The following SNU13 variants were observed in gnomAD, a reference collection of about 807,000 sequenced individuals.
The protein encoded by SNU13 is small nuclear ribonucleoprotein 13.
A neutral mutation model predicts 12.4 loss-of-function variants in SNU13; 2 were observed. The observed-to-expected ratio is 0.16, with a 90% CI of 0.07 to 0.51. SNU13 has a LOEUF of 0.51. Ranked by LOEUF, SNU13 falls within the 20% of genes least tolerant of loss-of-function variation. SNU13 has a pLI of 0.96. For missense variants in SNU13, 66 were observed against 157.8 expected, an observed-to-expected ratio of 0.42 and a Z score of 3.12; for synonymous variants, 68 against 66.5, an observed-to-expected ratio of 1.02 and a Z score of -0.11.
intron 1 of SNU13, among the ~76,000 whole-genome samples, chr22:41,686,758 C>G (rs959402434): frequency 6.6e-6 from 1 of 151,532 alleles, no homozygotes; most frequent in Non-Finnish European, 1.5e-5. Context: ...TCCTAAGTAG[C>G]TGGGATTACA....
At chr22:41,685,059 G>A (rs5758414) in intron 1 of SNU13, among the ~76,000 whole-genome samples, 96,263 of 151,070 alleles carry the variant, frequency 0.64, 33,763 homozygotes, top group East Asian at 0.92. Context: ...GGAGGTTGAG[G>A]CAGGAGAATG....
At chr22:41,681,505 T>C (rs1399164945) in intron 1 of SNU13, 1 of 152,216 alleles carries the variant, frequency 6.6e-6, no homozygotes, top group African/African-American at 2.4e-5. Context: ...CTAAATGCTG[T>C]ATTAGGCGGT....
At chr22:41,676,559 T>G (rs1242137249) in intron 2 of SNU13, among the ~76,000 whole-genome samples, 2 of 151,990 alleles carry the variant, frequency 1.3e-5, no homozygotes, top group African/African-American at 4.8e-5. Flanking sequence ...AAAGAAAATA[T>G]TTTATTCAAG....
chr22:41,684,377 G>GT (rs1012093664), intron 1 of SNU13, among the ~76,000 whole-genome samples: 4 of 152,132 alleles, frequency 2.6e-5, no homozygotes, highest in Non-Finnish European at 5.9e-5. Context: ...TTGTGCTAGT[G>GT]TTTTTTTCTA....
upstream of SNU13, chr22:41,689,030 A>G: frequency 7.9e-7 from 1 of 1,270,004 alleles, no homozygotes; most frequent in Non-Finnish European, 1.0e-6. Context: ...GCTGCCTAGT[A>G]CAAATTATTG....
chr22:41,682,070 C>A (rs754229271), intron 1 of SNU13, among the ~76,000 whole-genome samples: 1 of 152,042 alleles, frequency 6.6e-6, no homozygotes, highest in Non-Finnish European at 1.5e-5. Context: ...CCCCACATGT[C>A]GCCATCGTGT....
At chr22:41,687,738 G>C (rs558294038) in intron 1 of SNU13, 5 of 152,196 alleles carry the variant, frequency 3.3e-5, no homozygotes, top group Non-Finnish European at 4.4e-5. Context: ...CCAAGCATCA[G>C]GACTAGATGT....
At position 41,687,458 on chromosome 22, in the gene SNU13, T is replaced by C. The variant is rs139314556; in HGVS notation, c.3+1336A>G. ...AGACTTCAGGAATCTGAACAATCATTAAATACCTAAATGTTTCACTATTAG... is the reference window on the plus strand; with the variant it reads ...AGACTTCAGGAATCTGAACAATCATCAAATACCTAAATGTTTCACTATTAG... On this transcript the variant is annotated intron_variant, in intron 1 of 2. Transcript: ENST00000401959. Among the ~76,000 whole-genome samples, 80 of 152,328 alleles carry C rather than the reference T, an allele frequency of 5.3e-4. 3 individuals are homozygous for C. In the East Asian group the frequency reaches 0.014, roughly 28 times the overall value.
chr22:41,675,638 TCTCAAA>T (rs2068205504), intron 2 of SNU13, among the ~76,000 whole-genome samples: 1 of 151,764 alleles, frequency 6.6e-6, no homozygotes, highest in African/African-American at 2.4e-5. Context: ...TCCAGGCTGG[TCTCAAA>T]CTCCTGACCT....
intron 1 of SNU13, among the ~76,000 whole-genome samples, chr22:41,685,219 A>G (rs1218413831): frequency 6.6e-6 from 1 of 151,446 alleles, no homozygotes; most frequent in Non-Finnish European, 1.5e-5. Context: ...TCTATCACTG[A>G]GACCAGAGTG....
At chr22:41,678,447 T>C (rs754102120) in intron 2 of SNU13, among the ~76,000 whole-genome samples, 1 of 152,178 alleles carries the variant, frequency 6.6e-6, no homozygotes, top group African/African-American at 2.4e-5. Context: ...TACCTGACAC[T>C]GAGGCAGAAG....
At chr22:41,684,972 T>C (rs759076709) in intron 1 of SNU13, among the ~76,000 whole-genome samples, 14 of 152,038 alleles carry the variant, frequency 9.2e-5, no homozygotes, top group Non-Finnish European at 1.3e-4. Flanking sequence ...CTGGATGACA[T>C]GGTGAAACCC....
At chr22:41,677,951 T>A (rs2068228036) in intron 2 of SNU13, among the ~76,000 whole-genome samples, 1 of 151,462 alleles carries the variant, frequency 6.6e-6, no homozygotes, top group Admixed American at 6.6e-5. Context: ...CTATCCCCCT[T>A]CTCTACTTTA....
At chr22:41,689,009 C>A (rs564689020), upstream of SNU13, 3 of 1,316,512 alleles carry the variant, frequency 2.3e-6, no homozygotes, top group African/African-American at 4.4e-5. Context: ...CGTACTTTGG[C>A]GTTCTTATGA....
chr22:41,680,200 A>C, intron 2 of SNU13, 44 bp downstream of exon 2: 2 of 1,576,988 alleles, frequency 1.3e-6, no homozygotes, highest in East Asian at 2.3e-5. Flanking sequence ...AGATGGAAAC[A>C]GGTGCCTTTA....
At chr22:41,689,366 CAAA>C (rs11387808), upstream of SNU13, 19 of 108,646 alleles carry the variant, frequency 1.7e-4, no homozygotes, top group East Asian at 2.6e-4. Flanking sequence ...GCGAGACTCT[CAAA>C]AAAAAAAAAA....
chr22:41,674,436 A>T lies in SNU13; in HGVS notation c.*497T>A, dbSNP rs2068192593. 1 of 160,692 alleles carries T rather than the reference A, an allele frequency of 6.2e-6. No individual in the cohort carries two copies. The highest frequency in any genetic ancestry group is 5.9e-5 in the Admixed American group (1 of 16,862). 10.0% of individuals were successfully genotyped at this position (160,692 alleles called of 1,614,324 possible). A position where few individuals can be genotyped will look rare whatever the true frequency, so the allele number is the denominator to read the frequency against. On this transcript the variant is annotated 3_prime_UTR_variant, in exon 3 of 3. Coordinates refer to ENST00000401959, the MANE Select transcript of SNU13 (RefSeq NM_001003796.2). ...GGACATAGCCGAACAACCTCACAGAACACATGCTTCCTCCCCAAATGATAC... is the reference window on the plus strand; with the variant it reads ...GGACATAGCCGAACAACCTCACAGATCACATGCTTCCTCCCCAAATGATAC...
intron 1 of SNU13, among the ~76,000 whole-genome samples, chr22:41,680,739 C>T (rs912308374): frequency 7.2e-5 from 11 of 152,238 alleles, no homozygotes; most frequent in African/African-American, 2.2e-4. Context: ...CTGTTGCCCA[C>T]GCTGGAGTGC....
At chr22:41,682,480 G>A (rs2068273341) in intron 1 of SNU13, 9 of 1,581,592 alleles carry the variant, frequency 5.7e-6, no homozygotes, top group African/African-American at 2.7e-5. Flanking sequence ...AGGAAGTGAC[G>A]CCACTGCCGC....
Sources: allele counts gnomAD v4.1 joint callset (sites outside exome capture counted in the v4.1 genomes callset), GRCh38; gene constraint gnomAD v4.1.1; transcripts MANE v1.5; gene names NCBI Gene and HGNC (gene_info 2026-07-23, HGNC 2026-07-21).